The following ANKRD33B variants were observed in gnomAD, a reference collection of about 807,000 sequenced individuals.
ANKRD33B encodes ankyrin repeat domain-containing protein 33B.
A neutral mutation model predicts 21.5 loss-of-function variants in ANKRD33B; 6 were observed. The observed-to-expected ratio is 0.28, with a 90% confidence interval of 0.15 to 0.55. The LOEUF (loss-of-function observed/expected upper bound fraction) is 0.55. ANKRD33B is among the 20% of genes least tolerant of loss of function. The probability of loss-of-function intolerance (pLI) is 0.94; values close to 1 mark genes in which losing one functional copy is unlikely to be tolerated. For synonymous variants in ANKRD33B, 347 were observed against 342.4 expected, an observed-to-expected ratio of 1.01 and a Z score of -0.15; for missense variants, 698 against 747.2, an observed-to-expected ratio of 0.93 and a Z score of 0.77.
intron 2 of ANKRD33B, among the ~76,000 whole-genome samples, chr5:10,633,980 G>C (rs1457218708): frequency 3.3e-5 from 5 of 152,226 alleles, no homozygotes; most frequent in Non-Finnish European, 7.3e-5. Flanking sequence ...GCGGGTTAAG[G>C]AGGGGGGAAC....
chr5:10,575,420 C>G (rs62339266), intron 1 of ANKRD33B, among the ~76,000 whole-genome samples: 1 of 103,010 alleles, frequency 9.7e-6, no homozygotes, highest in African/African-American at 3.6e-5. Context: ...GCGAGACTGT[C>G]TCAAAAAAAA....
At chr5:10,644,704 A>G (rs371185255) in intron 3 of ANKRD33B, among the ~76,000 whole-genome samples, 14 of 152,242 alleles carry the variant, frequency 9.2e-5, no homozygotes, top group East Asian at 3.8e-4. Context: ...CTTTCTGTTT[A>G]TAAGGAAAAC....
intron 1 of ANKRD33B, among the ~76,000 whole-genome samples, chr5:10,617,683 C>T (rs1301202095): frequency 6.6e-6 from 1 of 152,146 alleles, no homozygotes; most frequent in Non-Finnish European, 1.5e-5. Context: ...TCAGGGGGTC[C>T]CCAGGCCCCT....
intron 3 of ANKRD33B, among the ~76,000 whole-genome samples, chr5:10,644,951 G>A (rs1737159891): frequency 6.6e-6 from 1 of 152,148 alleles, no homozygotes; most frequent in South Asian, 2.1e-4. Context: ...TCCTCTTGTG[G>A]GCAGCTGGGA....
intron 3 of ANKRD33B, 70 bp downstream of exon 3, chr5:10,638,238 T>G (rs1178518337): frequency 1.3e-6 from 2 of 1,490,978 alleles, no homozygotes; most frequent in Non-Finnish European, 8.9e-7. Flanking sequence ...ATGGAATATG[T>G]TTTGAGATTA....
rs751521436 is a variant in ANKRD33B at position 10,650,130 on chromosome 5, C to CGCTGGGGCCGGG, written c.*32_*43dup. On this transcript the variant is annotated 3_prime_UTR_variant, in exon 4 of 4. Transcript: ENST00000296657. The stretch of plus-strand genomic sequence containing the variant: ...AGGACGTGAGGGCCCGTGTGCCTGG[C>CGCTGGGGCCGGG]GCTGGGGCCGGGGCTGGGGCCGGGG... 7,079 of 1,463,376 alleles carry CGCTGGGGCCGGG rather than the reference C, an allele frequency of 4.8e-3. 40 individuals are homozygous for CGCTGGGGCCGGG. Among genetic ancestry groups the CGCTGGGGCCGGG allele is most frequent in the Non-Finnish European group, 4.7e-3 (5,218 of 1,110,362 alleles). The allele number at this position is 1,463,376 out of a possible 1,614,324, so 90.6% of individuals were successfully genotyped here.
intron 2 of ANKRD33B, 123 bp from the exon 3 acceptor site, chr5:10,637,905 A>T: frequency 8.7e-7 from 1 of 1,155,964 alleles, no homozygotes; most frequent in Non-Finnish European, 1.2e-6. Flanking sequence ...AGAAAAACTC[A>T]CACAGCAGAC....
At chr5:10,642,609 G>A (rs1360163704) in intron 3 of ANKRD33B, among the ~76,000 whole-genome samples, 1 of 152,196 alleles carries the variant, frequency 6.6e-6, no homozygotes, top group South Asian at 2.1e-4. Flanking sequence ...AGCACCCACC[G>A]CAGGAAGGTG....
At chr5:10,637,986 G>C in intron 2 of ANKRD33B, 42 bp from the exon 3 acceptor site, 1 of 1,526,606 alleles carries the variant, frequency 6.6e-7, no homozygotes, top group Non-Finnish European at 8.8e-7. Context: ...AGCACATTTT[G>C]TGGAAGTGGG....
chr5:10,585,914 G>C (rs1735547242), intron 1 of ANKRD33B, among the ~76,000 whole-genome samples: 1 of 152,162 alleles, frequency 6.6e-6, no homozygotes, highest in African/African-American at 2.4e-5. Flanking sequence ...GCCCATCCCA[G>C]AGTTTTGGTG....
intron 1 of ANKRD33B, among the ~76,000 whole-genome samples, chr5:10,607,718 A>G (rs1309177629): frequency 6.6e-6 from 1 of 152,234 alleles, no homozygotes; most frequent in Non-Finnish European, 1.5e-5. Context: ...AAGAGAATAG[A>G]GAGTGTTGTC....
At position 10,655,173 on chromosome 5, in the gene ANKRD33B, G is replaced by A. The variant is rs35823175; in HGVS notation, c.*5060G>A. ...AGGGCCGTGCTAGGCCCCTCTGCCC[G>A]CTTCTCTCCCTGCTGTTGGCGGTGA... On this transcript the variant is annotated 3_prime_UTR_variant, in exon 4 of 4. Transcript: ENST00000296657. The A allele has an allele frequency of 4.8e-3, 728 of 152,476 alleles. 3 individuals carry two copies. The highest frequency in any genetic ancestry group is 7.4e-3 in the Non-Finnish European group (503 of 68,058). The allele number at this position is 152,476 out of a possible 1,614,324, so 9.4% of individuals were successfully genotyped here.
chr5:10,643,665 A>G (rs933382188), intron 3 of ANKRD33B, among the ~76,000 whole-genome samples: 18 of 151,788 alleles, frequency 1.2e-4, no homozygotes, highest in Admixed American at 5.9e-4. Context: ...AAAATACAAA[A>G]AAAATTTAGC....
At chr5:10,572,815 C>G (rs1735227097) in intron 1 of ANKRD33B, among the ~76,000 whole-genome samples, 1 of 152,226 alleles carries the variant, frequency 6.6e-6, no homozygotes, top group Non-Finnish European at 1.5e-5. Context: ...CTGTCCATGC[C>G]TCTCCCAGCT....
intron 1 of ANKRD33B, among the ~76,000 whole-genome samples, chr5:10,614,025 G>GTGTGTGTGTGTA (rs1295818243): frequency 2.2e-4 from 33 of 150,564 alleles, no homozygotes; most frequent in African/African-American, 7.6e-4. Context: ...GTGTGTGTGT[G>GTGTGTGTGTGTA]TATAAACATA....
At chr5:10,604,176 G>A (rs1434219382) in intron 1 of ANKRD33B, among the ~76,000 whole-genome samples, 1 of 144,340 alleles carries the variant, frequency 6.9e-6, no homozygotes, top group Admixed American at 7.0e-5. Context: ...ACAGGTGTGA[G>A]CCACCGCGCC....
At chr5:10,590,014 T>C (rs1382308511) in intron 1 of ANKRD33B, among the ~76,000 whole-genome samples, 3 of 152,140 alleles carry the variant, frequency 2.0e-5, no homozygotes. Flanking sequence ...ACTAATCATA[T>C]CTTTACCCTA....
chr5:10,629,576 T>C (rs1294434405), intron 2 of ANKRD33B, among the ~76,000 whole-genome samples: 1 of 152,102 alleles, frequency 6.6e-6, no homozygotes, highest in Non-Finnish European at 1.5e-5. Flanking sequence ...AAATACTCAG[T>C]AGACAGATAC....
chr5:10,587,568 GAAAATGAAAAA>G, intron 1 of ANKRD33B, among the ~76,000 whole-genome samples: 1 of 144,516 alleles, frequency 6.9e-6, no homozygotes, highest in Admixed American at 6.9e-5. Context: ...TTTTGGTGTG[GAAAATGAAAAA>G]AAAAAGAGAA....
Sources: allele counts gnomAD v4.1 joint callset (sites outside exome capture counted in the v4.1 genomes callset), GRCh38; gene constraint gnomAD v4.1.1; transcripts MANE v1.5; gene names NCBI Gene and HGNC (gene_info 2026-07-23, HGNC 2026-07-21).